Variants in PPP2R2B observed in about 807,000 individuals in gnomAD.
The protein encoded by PPP2R2B is serine/threonine-protein phosphatase 2A 55 kDa regulatory subunit B beta isoform.
Under a neutral mutation model 46.0 loss-of-function variants are expected in PPP2R2B, and 5 were observed. That is an observed-to-expected ratio of 0.11 (90% CI 0.06 to 0.23). PPP2R2B has a LOEUF of 0.23. Ranked by LOEUF, PPP2R2B falls within the 10% of genes least tolerant of loss-of-function variation. PPP2R2B has a pLI of 1.00. For synonymous variants in PPP2R2B, 215 were observed against 206.7 expected (o/e 1.04, Z -0.34); for missense variants, 367 against 575.0 (o/e 0.64, Z 3.70).
chr5:146,892,220 C>G (rs1762511353), intron 1 of PPP2R2B, among the ~76,000 whole-genome samples: 1 of 152,214 alleles, frequency 6.6e-6, no homozygotes, highest in South Asian at 2.1e-4. Context: ...GAGCAAAGGT[C>G]AATTCTGCAT....
At chr5:146,938,129 C>A (rs529743130) in intron 1 of PPP2R2B, among the ~76,000 whole-genome samples, 3 of 152,118 alleles carry the variant, frequency 2.0e-5, no homozygotes, top group Non-Finnish European at 4.4e-5. Context: ...GATTCCAACA[C>A]ACTATTGATT....
At chr5:146,617,571 G>A (rs1262111081) in intron 7 of PPP2R2B, among the ~76,000 whole-genome samples, 1 of 152,106 alleles carries the variant, frequency 6.6e-6, no homozygotes, top group African/African-American at 2.4e-5. Context: ...TGTGTGTAAA[G>A]CACTATGATA....
At chr5:146,677,800 T>C (rs1390814833) in intron 5 of PPP2R2B, among the ~76,000 whole-genome samples, 1 of 152,076 alleles carries the variant, frequency 6.6e-6, no homozygotes, top group Non-Finnish European at 1.5e-5. Flanking sequence ...AGTGCTGGGA[T>C]TACAGGCGTG....
rs5006929 is a variant in PPP2R2B, at chr5:146,820,617, A to G, written c.70+57385T>C. Reference sequence around the variant, plus strand: ...TGCTGTTTGGGGATATTTTCTTCCCATTACTATTCCTCTAGGCTATACCTC... The same window carrying G: ...TGCTGTTTGGGGATATTTTCTTCCCGTTACTATTCCTCTAGGCTATACCTC... On this transcript the variant is annotated intron_variant, in intron 2 of 9. Coordinates refer to ENST00000394411, the MANE Select transcript of PPP2R2B (RefSeq NM_181675.4). Among the ~76,000 whole-genome samples the G allele has an allele frequency of 5.0e-3, 755 of 152,264 alleles. 9 individuals carry two copies. Among genetic ancestry groups the G allele is most frequent in the African/African-American group, 0.017 (715 of 41,546 alleles).
At chr5:146,819,967 C>T (rs955213254) in intron 2 of PPP2R2B, among the ~76,000 whole-genome samples, 4 of 152,078 alleles carry the variant, frequency 2.6e-5, no homozygotes, top group African/African-American at 9.7e-5. Flanking sequence ...AAGCCAGGTA[C>T]AGAAAGACAA....
intron 7 of PPP2R2B, among the ~76,000 whole-genome samples, chr5:146,629,150 AG>A (rs1252620717): frequency 4.6e-5 from 7 of 152,154 alleles, no homozygotes; most frequent in Non-Finnish European, 8.8e-5. Context: ...ACCTCTCCCC[AG>A]ACTTCCAGAC....
chr5:146,790,824 G>A (rs889486627), intron 2 of PPP2R2B, among the ~76,000 whole-genome samples: 1 of 152,188 alleles, frequency 6.6e-6, no homozygotes, highest in African/African-American at 2.4e-5. Context: ...GCATTGAAGA[G>A]AGGAGGAAGA....
chr5:146,979,422 G>T (rs758873392), intron 1 of PPP2R2B, among the ~76,000 whole-genome samples: 5 of 151,984 alleles, frequency 3.3e-5, no homozygotes, highest in Non-Finnish European at 5.9e-5. Context: ...TAATAGCAAA[G>T]AAATTTACTT....
At chr5:146,821,363 C>T (rs1758251870) in intron 2 of PPP2R2B, among the ~76,000 whole-genome samples, 1 of 152,158 alleles carries the variant, frequency 6.6e-6, no homozygotes, top group Admixed American at 6.5e-5. Context: ...ATTAATGCCC[C>T]CTTGAAGCTC....
chr5:146,888,727 C>A (rs1286353665), intron 1 of PPP2R2B, among the ~76,000 whole-genome samples: 3 of 152,142 alleles, frequency 2.0e-5, no homozygotes, highest in Non-Finnish European at 4.4e-5. Flanking sequence ...CTCCCACCAC[C>A]ACCACTCCCT....
chr5:146,964,835 A>G (rs936892125), intron 1 of PPP2R2B, among the ~76,000 whole-genome samples: 4 of 151,994 alleles, frequency 2.6e-5, no homozygotes, highest in Non-Finnish European at 5.9e-5. Context: ...GGCATCTCCT[A>G]TATTTTTAAG....
chr5:146,583,656 A>G lies in PPP2R2B; in HGVS notation c.*6291T>C, dbSNP rs1047083845. On this transcript the variant is annotated 3_prime_UTR_variant, in exon 10 of 10. Coordinates refer to ENST00000394411, the MANE Select transcript of PPP2R2B (RefSeq NM_181675.4). The stretch of plus-strand genomic sequence containing the variant: ...TGCTGCTTCCACAGACCACCCTGGC[A>G]TGGGCTTGGCAGGCAGTACATGAAC... 1.3e-5 allele frequency: 2 copies of G among 152,166 alleles called. No individual in the cohort carries two copies. The highest frequency in any genetic ancestry group is 4.8e-5 in the African/African-American group (2 of 41,434). The allele number at this position is 152,166 out of a possible 1,614,324, so 9.4% of individuals were successfully genotyped here.
At chr5:147,063,545 A>G (rs1259997636) in intron 2 of PPP2R2B, among the ~76,000 whole-genome samples, 1 of 152,210 alleles carries the variant, frequency 6.6e-6, no homozygotes, top group African/African-American at 2.4e-5. Context: ...AAGCCTTCAT[A>G]AAAAGAAAGC....
At position 146,581,440 on chromosome 5, in the gene PPP2R2B, C is replaced by T. The variant is rs1303824847; in HGVS notation, c.*8507G>A. ...ATCCACCTCCACGATCCAATCACCT[C>T]CCACCTGGCCCCACCTCAAACACTG... On this transcript the variant is annotated 3_prime_UTR_variant, in exon 10 of 10. Transcript: ENST00000394411. 1 of 152,190 alleles carries T rather than the reference C, an allele frequency of 6.6e-6. No homozygotes were observed. Among genetic ancestry groups the T allele is most frequent in the Non-Finnish European group, 1.5e-5 (1 of 68,026 alleles). 9.4% of individuals were successfully genotyped at this position (152,190 alleles called of 1,614,324 possible). A position where few individuals can be genotyped will look rare whatever the true frequency, so the allele number is the denominator to read the frequency against.
At chr5:146,836,423 G>A (rs528798973) in intron 2 of PPP2R2B, among the ~76,000 whole-genome samples, 3 of 152,308 alleles carry the variant, frequency 2.0e-5, no homozygotes, top group Admixed American at 2.0e-4. Context: ...TTAAGGTGCT[G>A]AGTCAGATTA....
chr5:146,738,114 G>A (rs990990557), intron 2 of PPP2R2B, among the ~76,000 whole-genome samples: 3 of 151,676 alleles, frequency 2.0e-5, no homozygotes, highest in Admixed American at 6.6e-5. Context: ...TCTTAGCTTC[G>A]GGCTGGGCGC....
At chr5:146,629,011 C>A (rs1774245253) in intron 7 of PPP2R2B, among the ~76,000 whole-genome samples, 1 of 152,116 alleles carries the variant, frequency 6.6e-6, no homozygotes, top group African/African-American at 2.4e-5. Context: ...TCGGTGTGGC[C>A]TTCACCTCAT....
At chr5:146,956,098 G>A (rs939866229) in intron 1 of PPP2R2B, among the ~76,000 whole-genome samples, 12 of 152,086 alleles carry the variant, frequency 7.9e-5, no homozygotes, top group African/African-American at 2.9e-4. Context: ...TTTCTAAGGA[G>A]TCTAAGAAAA....
chr5:146,867,258 C>G (rs1210444969), intron 2 of PPP2R2B, among the ~76,000 whole-genome samples: 5 of 152,130 alleles, frequency 3.3e-5, no homozygotes, highest in Non-Finnish European at 4.4e-5. Context: ...TGTTCAACCT[C>G]AAGGAAATCA....
Sources: allele counts gnomAD v4.1 joint callset (sites outside exome capture counted in the v4.1 genomes callset), GRCh38; gene constraint gnomAD v4.1.1; transcripts MANE v1.5; gene names NCBI Gene and HGNC (gene_info 2026-07-23, HGNC 2026-07-21).